SLC25A48: variants seen among roughly 807,000 people sequenced by gnomAD.
SLC25A48 encodes solute carrier family 25 member 48.
A neutral mutation model predicts 32.2 loss-of-function variants in SLC25A48; 29 were observed. That is an observed-to-expected ratio of 0.90 (90% confidence interval 0.67 to 1.23). SLC25A48 has a LOEUF of 1.23. SLC25A48 is among the 50% of genes most tolerant of loss of function. SLC25A48 has a pLI of 0.00. For missense variants in SLC25A48, 399 were observed against 422.7 expected (o/e 0.94, Z 0.49); for synonymous variants, 164 against 172.3 (o/e 0.95, Z 0.38).
intron 3 of SLC25A48, among the ~76,000 whole-genome samples, chr5:135,764,645 G>T (rs1357856428): frequency 1.3e-5 from 2 of 151,100 alleles, no homozygotes; most frequent in Non-Finnish European, 3.0e-5. Flanking sequence ...GGGGGAGAGG[G>T]TGATATTACT....
intron 1 of SLC25A48, among the ~76,000 whole-genome samples, chr5:135,615,130 A>C (rs1035611730): frequency 5.9e-5 from 9 of 152,234 alleles, no homozygotes; most frequent in African/African-American, 2.2e-4. Context: ...ACTAATATAG[A>C]AAATTGGTAC....
At chr5:135,586,107 G>A (rs1580701912) in intron 1 of SLC25A48, among the ~76,000 whole-genome samples, 1 of 152,176 alleles carries the variant, frequency 6.6e-6, no homozygotes, top group East Asian at 1.9e-4. Flanking sequence ...GGTTAAGTAT[G>A]TTGCCCAAAA....
At chr5:135,876,553 T>C (rs1425669058) in intron 6 of SLC25A48, among the ~76,000 whole-genome samples, 1 of 152,100 alleles carries the variant, frequency 6.6e-6, no homozygotes, top group East Asian at 1.9e-4. Context: ...TGGTAATGTA[T>C]GAACATAGGA....
intron 3 of SLC25A48, chr5:135,650,230 G>C (rs950955331): frequency 5.1e-5 from 17 of 334,866 alleles, no homozygotes; most frequent in Non-Finnish European, 9.3e-5. Flanking sequence ...TCTCTGGCCT[G>C]TGTCAGCTTG....
chr5:135,786,436 G>A (rs984346531), intron 3 of SLC25A48, among the ~76,000 whole-genome samples: 5 of 151,968 alleles, frequency 3.3e-5, no homozygotes, highest in Non-Finnish European at 7.4e-5. Context: ...GATATTGTTT[G>A]TAATGTCATA....
intron 3 of SLC25A48, among the ~76,000 whole-genome samples, chr5:135,785,384 C>G (rs569117973): frequency 6.6e-6 from 1 of 151,046 alleles, no homozygotes; most frequent in East Asian, 2.0e-4. Flanking sequence ...GCCGCTTGCC[C>G]TATGGATTGT....
At chr5:135,677,036 A>G (rs1208734582) in intron 3 of SLC25A48, among the ~76,000 whole-genome samples, 3 of 151,934 alleles carry the variant, frequency 2.0e-5, no homozygotes, top group Non-Finnish European at 4.4e-5. Flanking sequence ...TCATCTGTCT[A>G]ATGCTAATAG....
In SLC25A48 at chr5:135,781,646, C is replaced by G. The variant is rs1756719087; in HGVS notation, c.-520-30877C>G. Reference sequence around the variant, plus strand: ...TAGAGGATGATATTACATTCAATATCGCAGTGGGTGTACACCTCCCCTGTG... The same window carrying G: ...TAGAGGATGATATTACATTCAATATGGCAGTGGGTGTACACCTCCCCTGTG... On this transcript the variant is annotated intron_variant, in intron 3 of 10. Coordinates refer to the SLC25A48 transcript ENST00000646290. 3.4e-5 allele frequency among the ~76,000 whole-genome samples: 4 copies of G among 116,210 alleles called. 1 individual carries two copies. Among genetic ancestry groups the G allele is most frequent in the Non-Finnish European group, 8.5e-5 (4 of 47,064 alleles). The allele number at this position is 116,210 out of a possible 152,430, so 76.2% of individuals were successfully genotyped here.
chr5:135,689,940 GC>G (rs986350445), intron 3 of SLC25A48, among the ~76,000 whole-genome samples: 1 of 152,190 alleles, frequency 6.6e-6, no homozygotes, highest in African/African-American at 2.4e-5. Context: ...GTTTGTGTCT[GC>G]CTGGGGACTT....
intron 3 of SLC25A48, among the ~76,000 whole-genome samples, chr5:135,791,032 A>G (rs1340906149): frequency 2.0e-5 from 3 of 151,800 alleles, no homozygotes; most frequent in Non-Finnish European, 2.9e-5. Context: ...TGTGTGTACA[A>G]CATATGTGTT....
At chr5:135,742,551 G>A (rs925722348) in intron 3 of SLC25A48, 9 of 1,403,218 alleles carry the variant, frequency 6.4e-6, no homozygotes, top group Non-Finnish European at 5.0e-6. Flanking sequence ...AAGATTTTGT[G>A]TTTTATGGTT....
At chr5:135,783,955 TAATC>T (rs1756778382) in intron 3 of SLC25A48, among the ~76,000 whole-genome samples, 1 of 118,016 alleles carries the variant, frequency 8.5e-6, no homozygotes, top group Admixed American at 8.6e-5. Context: ...TTGTTGCTAA[TAATC>T]AGGGGGGAAA....
At chr5:135,635,323 A>T (rs972570758) in intron 3 of SLC25A48, among the ~76,000 whole-genome samples, 7 of 152,162 alleles carry the variant, frequency 4.6e-5, no homozygotes, top group Admixed American at 2.6e-4. Context: ...GCGTTTATTG[A>T]GCTGGGGTCT....
chr5:135,693,503 T>A (rs955686615), intron 3 of SLC25A48, among the ~76,000 whole-genome samples: 1 of 152,222 alleles, frequency 6.6e-6, no homozygotes, highest in Non-Finnish European at 1.5e-5. Context: ...GTCTCTCTAA[T>A]GTGTCCAGGC....
chr5:135,844,714 T>A (rs989969995), intron 2 of SLC25A48, among the ~76,000 whole-genome samples: 6 of 152,236 alleles, frequency 3.9e-5, no homozygotes, highest in African/African-American at 1.4e-4. Flanking sequence ...TACCACATCA[T>A]GTGACAATGT....
At chr5:135,779,754 C>T (rs1756674802) in intron 3 of SLC25A48, among the ~76,000 whole-genome samples, 1 of 117,260 alleles carries the variant, frequency 8.5e-6, no homozygotes, top group South Asian at 3.1e-4. Flanking sequence ...TTCTACACCC[C>T]CTTTGTAATA....
chr5:135,581,347 G>A (rs945440852), intron 1 of SLC25A48, among the ~76,000 whole-genome samples: 10 of 152,166 alleles, frequency 6.6e-5, no homozygotes, highest in Non-Finnish European at 1.0e-4. Context: ...TTTGGGGTAG[G>A]TTTTAATACA....
At chr5:135,886,634 T>TATATAA (rs1554088453) in intron 7 of SLC25A48, among the ~76,000 whole-genome samples, 462 of 29,030 alleles carry the variant, frequency 0.016, 26 homozygotes, top group Admixed American at 0.019. Flanking sequence ...TATATATATA[T>TATATAA]ATAAAATATA....
At chr5:135,787,869 T>C (rs1756889798) in intron 3 of SLC25A48, among the ~76,000 whole-genome samples, 1 of 151,920 alleles carries the variant, frequency 6.6e-6, no homozygotes, top group Admixed American at 6.6e-5. Context: ...ACTCCTAATG[T>C]CACAAAGGGT....
Sources: gnomAD v4.1 joint callset for allele counts (sites outside exome capture counted in the v4.1 genomes callset) on GRCh38, gnomAD v4.1.1 for gene constraint, MANE v1.5 for transcripts, NCBI Gene and HGNC (gene_info 2026-07-23, HGNC 2026-07-21) for gene names.